The following RAI1 variants were observed in gnomAD, a reference collection of about 807,000 sequenced individuals.
RAI1 encodes retinoic acid-induced protein 1.
Under a neutral mutation model 123.8 loss-of-function variants are expected in RAI1, and 9 were observed. The ratio of observed to expected loss-of-function variants is 0.07; its 90% CI spans 0.04 to 0.13. The LOEUF is 0.13. RAI1 is among the 10% of genes least tolerant of loss of function. The pLI, the probability that RAI1 is intolerant of heterozygous loss-of-function variation, is 1.00. For missense variants in RAI1, 2,256 were observed against 2,545.8 expected (o/e 0.89, Z 2.45); for synonymous variants, 1,231 against 1,127.3 (o/e 1.09, Z -1.84).
chr17:17,721,948 C>T (rs1051811665), intron 1 of RAI1, among the ~76,000 whole-genome samples: 2 of 152,036 alleles, frequency 1.3e-5, no homozygotes, highest in South Asian at 2.1e-4. Flanking sequence ...GCAGGATTGG[C>T]TGTAGGATGT....
At chr17:17,784,328 C>T (rs1209053866) in intron 2 of RAI1, among the ~76,000 whole-genome samples, 1 of 152,232 alleles carries the variant, frequency 6.6e-6, no homozygotes, top group African/African-American at 2.4e-5. Flanking sequence ...TCCGCCTAGG[C>T]TGGGGAAGGC....
rs779858679 is a variant in RAI1, at chr17:17,798,444, C to T, written c.5496C>T (p.Thr1832=). The change falls in exon 3 of 6, where the codon ACC becomes ACT. Residue 1832 remains threonine, a synonymous_variant. Coordinates refer to ENST00000353383, the MANE Select transcript of RAI1 (RefSeq NM_030665.4). ...TGCATGAGGCCTGTGCCGTGTGGAC[C>T]GGCGGCGTCTACCTGGTGGCCGGGA... The part of the protein sequence containing the change: ...HWVHEACAVW[T]GGVYLVAGKL... The T allele has an allele frequency of 5.0e-6, 8 of 1,608,970 alleles. No homozygotes were observed. Among genetic ancestry groups the T allele is most frequent in the South Asian group, 1.1e-5 (1 of 90,960 alleles).
intron 2 of RAI1, among the ~76,000 whole-genome samples, chr17:17,771,714 G>A (rs1036231707): frequency 7.2e-5 from 11 of 152,172 alleles, no homozygotes; most frequent in Non-Finnish European, 1.2e-4. Context: ...CATCAAAGCC[G>A]GCCTGTCGGG....
chr17:17,743,053 A>G (rs1916696287), intron 2 of RAI1, among the ~76,000 whole-genome samples: 1 of 152,144 alleles, frequency 6.6e-6, no homozygotes, highest in Admixed American at 6.5e-5. Flanking sequence ...CAGTGACATG[A>G]TCACAGCTCA....
At chr17:17,720,121 G>T (rs559213500) in intron 1 of RAI1, among the ~76,000 whole-genome samples, 1 of 152,170 alleles carries the variant, frequency 6.6e-6, no homozygotes, top group Admixed American at 6.5e-5. Flanking sequence ...CATTCCCTAG[G>T]ACCCTGCTTA....
intron 1 of RAI1, among the ~76,000 whole-genome samples, chr17:17,709,566 C>T (rs555166026): frequency 6.6e-6 from 1 of 152,298 alleles, no homozygotes; most frequent in South Asian, 2.1e-4. Context: ...CAGTTCCAGC[C>T]TGGGCAGCTG....
chr17:17,737,979 C>T (rs1029177804), intron 2 of RAI1, among the ~76,000 whole-genome samples: 8 of 152,142 alleles, frequency 5.3e-5, no homozygotes, highest in Non-Finnish European at 8.8e-5. Flanking sequence ...GCCCCCCACC[C>T]TGGCCCCAGA....
chr17:17,760,085 T>C (rs1250403435), intron 2 of RAI1, among the ~76,000 whole-genome samples: 1 of 152,326 alleles, frequency 6.6e-6, no homozygotes, highest in East Asian at 1.9e-4. Flanking sequence ...GTCAGAGCCC[T>C]GTGCTGGACA....
chr17:17,741,109 A>C (rs1470391508), intron 2 of RAI1, among the ~76,000 whole-genome samples: 3 of 151,874 alleles, frequency 2.0e-5, no homozygotes, highest in Non-Finnish European at 2.9e-5. Flanking sequence ...ACACACACAC[A>C]CACTCGCGCA....
At chr17:17,778,773 T>C (rs527452710) in intron 2 of RAI1, 27 of 456,722 alleles carry the variant, frequency 5.9e-5, no homozygotes, top group South Asian at 4.2e-4. Context: ...CCTACAACTT[T>C]CCAGAACACA....
intron 1 of RAI1, among the ~76,000 whole-genome samples, chr17:17,694,379 G>A (rs1914939198): frequency 6.6e-6 from 1 of 152,104 alleles, no homozygotes; most frequent in Non-Finnish European, 1.5e-5. Context: ...TGGGGAGGGA[G>A]GGGCATCTTT....
chr17:17,708,876 G>C (rs1321725650), intron 1 of RAI1, among the ~76,000 whole-genome samples: 1 of 152,236 alleles, frequency 6.6e-6, no homozygotes, highest in Non-Finnish European at 1.5e-5. Context: ...AAACATTCCA[G>C]CTTCACAGCT....
At chr17:17,733,300 G>C (rs1916326707) in intron 2 of RAI1, among the ~76,000 whole-genome samples, 1 of 152,186 alleles carries the variant, frequency 6.6e-6, no homozygotes, top group Non-Finnish European at 1.5e-5. Flanking sequence ...CTCCAGGCCA[G>C]AAAGAAAAAG....
chr17:17,758,908 T>C (rs1209800881), intron 2 of RAI1, among the ~76,000 whole-genome samples: 7 of 151,830 alleles, frequency 4.6e-5, no homozygotes, highest in Non-Finnish European at 7.4e-5. Context: ...GGCTGACCTG[T>C]TTTGGTGGGG....
At position 17,809,637 on chromosome 17, in the gene RAI1, G is replaced by A. The variant is rs2032672554; in HGVS notation, c.5709+198G>A. Among the ~76,000 whole-genome samples, 1 of 151,996 alleles carries A rather than the reference G, an allele frequency of 6.6e-6. No individual in the cohort carries two copies. The highest frequency in any genetic ancestry group is 6.5e-5 in the Admixed American group (1 of 15,284). ...TCAGGTCCCTGTCCACTTGCGCGCC[G>A]CCGCCGCCGAAAACCCGCAGGCGTC... On this transcript the variant is annotated intron_variant, in intron 5 of 5. Coordinates refer to ENST00000353383, the MANE Select transcript of RAI1 (RefSeq NM_030665.4). This position sits in a 1 kb window ranked among gnomAD's most constrained non-coding sequence, Gnocchi z 4.9.
intron 1 of RAI1, among the ~76,000 whole-genome samples, chr17:17,711,487 C>T (rs1915566054): frequency 1.3e-5 from 2 of 152,176 alleles, no homozygotes; most frequent in Admixed American, 1.3e-4. Flanking sequence ...GGGCCTACGG[C>T]ATGCTGGACA....
chr17:17,727,640 A>T (rs1429051821), intron 2 of RAI1, among the ~76,000 whole-genome samples: 2 of 152,180 alleles, frequency 1.3e-5, no homozygotes, highest in African/African-American at 4.8e-5. Flanking sequence ...TCCAAAGCAG[A>T]TGCAGTGAGG....
At chr17:17,752,398 T>G (rs1195285162) in intron 2 of RAI1, among the ~76,000 whole-genome samples, 3 of 151,714 alleles carry the variant, frequency 2.0e-5, no homozygotes, top group African/African-American at 7.3e-5. Context: ...GGGGCGAGGC[T>G]GGTCTTGTAC....
In RAI1 at chr17:17,795,636, A is replaced by G. The variant is rs1486042112; in HGVS notation, c.2688A>G (p.Pro896=). Residue 896 remains proline, a synonymous_variant, in exon 3 of 6, where the codon CCA becomes CCG. Coordinates refer to ENST00000353383, the MANE Select transcript of RAI1 (RefSeq NM_030665.4). This position sits in a 1 kb window ranked among gnomAD's most constrained non-coding sequence, Gnocchi z 5.9. ...GMQDPLSPKA[P]LICTKEEVEE... is the part of the protein sequence containing the mutation. ...AGGACCCGCTGTCACCCAAGGCCCC[A>G]CTCATCTGCACCAAGGAGGAGGTGG... The G allele has an allele frequency of 6.2e-7, 1 of 1,613,190 alleles. No individual in the cohort carries two copies. Among genetic ancestry groups the G allele is most frequent in the Non-Finnish European group, 8.5e-7 (1 of 1,179,876 alleles).
Sources: allele counts gnomAD v4.1 joint callset (sites outside exome capture counted in the v4.1 genomes callset), GRCh38; gene constraint gnomAD v4.1.1; non-coding constraint Gnocchi (gnomAD v3.1); transcripts MANE v1.5; gene names NCBI Gene and HGNC (gene_info 2026-07-23, HGNC 2026-07-21).